CFAP61: variants seen among roughly 807,000 people sequenced by gnomAD.
CFAP61 encodes the protein cilia- and flagella-associated protein 61.
In CFAP61, 107 loss-of-function variants were observed where a neutral mutation model predicts 135.6. The ratio of observed to expected loss-of-function variants is 0.79; its 90% CI spans 0.67 to 0.93. CFAP61 has a LOEUF of 0.93. Among genes scored for constraint, CFAP61 ranks in the 40% least tolerant of loss-of-function variants. The pLI is 0.00. For synonymous variants in CFAP61, 575 were observed against 578.5 expected (o/e 0.99, Z 0.09); for missense variants, 1,507 against 1,556.2 (o/e 0.97, Z 0.53).
intron 8 of CFAP61, among the ~76,000 whole-genome samples, chr20:20,111,268 T>G (rs1170589693): frequency 1.3e-5 from 2 of 152,188 alleles, no homozygotes; most frequent in African/African-American, 2.4e-5. Context: ...AGATTAGGAA[T>G]CTCAAACTGG....
At chr20:20,082,932 G>A (rs2046530952) in intron 6 of CFAP61, among the ~76,000 whole-genome samples, 1 of 152,164 alleles carries the variant, frequency 6.6e-6, no homozygotes, top group African/African-American at 2.4e-5. Flanking sequence ...AAACAGTGTG[G>A]AGATTCCTTA....
chr20:20,356,130 C>G (rs1306193156), intron 26 of CFAP61, among the ~76,000 whole-genome samples: 3 of 96,376 alleles, frequency 3.1e-5, no homozygotes, highest in African/African-American at 7.6e-5. Context: ...GGGAGGTAGT[C>G]ACACTGAGAG....
chr20:20,146,935 A>G (rs1341165356), intron 9 of CFAP61, among the ~76,000 whole-genome samples: 1 of 152,194 alleles, frequency 6.6e-6, no homozygotes, highest in Non-Finnish European at 1.5e-5. Flanking sequence ...AAAGTCCATT[A>G]TATCACTCTT....
At chr20:20,164,320 C>T (rs1179197250) in intron 11 of CFAP61, 92 bp downstream of exon 11, 3 of 1,261,490 alleles carry the variant, frequency 2.4e-6, no homozygotes, top group African/African-American at 1.5e-5. Context: ...CAGTAATTTC[C>T]AAACCTGGCC....
intron 9 of CFAP61, among the ~76,000 whole-genome samples, chr20:20,147,322 A>G (rs950151736): frequency 6.6e-6 from 1 of 152,200 alleles, no homozygotes; most frequent in African/African-American, 2.4e-5. Context: ...GAATCTCCAA[A>G]CTGTTGTCCA....
intron 10 of CFAP61, among the ~76,000 whole-genome samples, chr20:20,163,461 T>C (rs2053565876): frequency 6.6e-6 from 1 of 152,190 alleles, no homozygotes; most frequent in African/African-American, 2.4e-5. Flanking sequence ...CTGGAGTTAT[T>C]ATAATATGTA....
intron 24 of CFAP61, among the ~76,000 whole-genome samples, chr20:20,293,834 C>T (rs2147071469): frequency 1.3e-5 from 2 of 152,284 alleles, no homozygotes; most frequent in Admixed American, 1.3e-4. Flanking sequence ...ACAACAAATT[C>T]TGCCTTGGAT....
intron 13 of CFAP61, chr20:20,171,728 A>C: frequency 3.1e-6 from 2 of 651,646 alleles, no homozygotes. Flanking sequence ...ACATTTTGCT[A>C]ACTGTGTTTC....
chr20:20,192,734 C>T (rs369293350), intron 15 of CFAP61, among the ~76,000 whole-genome samples: 1 of 152,088 alleles, frequency 6.6e-6, no homozygotes, highest in South Asian at 2.1e-4. Flanking sequence ...CAGTTCTAGA[C>T]GTTGATCACT....
chr20:20,118,022 G>A (rs777658049), intron 8 of CFAP61, among the ~76,000 whole-genome samples: 5 of 152,036 alleles, frequency 3.3e-5, no homozygotes, highest in Admixed American at 6.6e-5. Context: ...ATAAGATCAC[G>A]TTGTCTGTGA....
At chr20:20,224,518 A>C (rs2146940679) in intron 17 of CFAP61, among the ~76,000 whole-genome samples, 1 of 152,234 alleles carries the variant, frequency 6.6e-6, no homozygotes, top group Non-Finnish European at 1.5e-5. Flanking sequence ...TTAAAAGGTT[A>C]GCTTATACAC....
chr20:20,067,753 TTATATTATTATA>T (rs1461068138), intron 2 of CFAP61, among the ~76,000 whole-genome samples: 3 of 142,202 alleles, frequency 2.1e-5, no homozygotes, highest in Non-Finnish European at 3.0e-5. Flanking sequence ...TAATATATAT[TTATATTATTATA>T]TATGTATTTA....
Position 20,353,484 on chromosome 20 carries a change from T to A in CFAP61, c.3514-6726T>A, listed in dbSNP as rs531732442. Among the ~76,000 whole-genome samples, 5 of 152,334 alleles carry A rather than the reference T, an allele frequency of 3.3e-5. No homozygotes were observed. In the East Asian group the frequency reaches 9.6e-4, roughly 29 times the overall value. ...TAACTCGGTAAATAATTACCTTACT[T>A]GTTTATGTTAATCTTTCTTAAATGT... On this transcript the variant is annotated intron_variant, in intron 26 of 26. Transcript: ENST00000245957.
intron 26 of CFAP61, among the ~76,000 whole-genome samples, chr20:20,351,087 G>A (rs991835865): frequency 6.6e-6 from 1 of 151,968 alleles, no homozygotes; most frequent in African/African-American, 2.4e-5. Context: ...ATTAAACATA[G>A]GATCAGAATT....
intron 20 of CFAP61, among the ~76,000 whole-genome samples, chr20:20,252,521 A>T (rs1328064113): frequency 6.6e-6 from 1 of 151,928 alleles, no homozygotes; most frequent in East Asian, 2.0e-4. Flanking sequence ...CAAATTTGTA[A>T]ACTTTCTTAA....
chr20:20,200,005 T>G, intron 17 of CFAP61, 103 bp downstream of exon 17: 2 of 1,341,498 alleles, frequency 1.5e-6, no homozygotes, highest in Non-Finnish European at 2.1e-6. Context: ...GCTTCTTAAT[T>G]ACAGGGAACC....
chr20:20,309,943 A>G (rs2056723153), intron 25 of CFAP61, among the ~76,000 whole-genome samples: 1 of 152,234 alleles, frequency 6.6e-6, no homozygotes, highest in Non-Finnish European at 1.5e-5. Context: ...TCAACACACC[A>G]TAATGGGACA....
chr20:20,263,260 C>G (rs1201410464), intron 21 of CFAP61, 130 bp downstream of exon 21: 4 of 614,960 alleles, frequency 6.5e-6, no homozygotes, highest in Non-Finnish European at 7.4e-6. Flanking sequence ...ATCTGTCATG[C>G]TTTGTTTTCC....
chr20:20,195,483 C>A (rs773909487), intron 15 of CFAP61, among the ~76,000 whole-genome samples: 1 of 152,216 alleles, frequency 6.6e-6, no homozygotes, highest in Admixed American at 6.5e-5. Flanking sequence ...TCCCCCCACG[C>A]TCCTGACAGC....
Sources: gnomAD v4.1 joint callset for allele counts (sites outside exome capture counted in the v4.1 genomes callset) on GRCh38, gnomAD v4.1.1 for gene constraint, MANE v1.5 for transcripts, NCBI Gene and HGNC (gene_info 2026-07-23, HGNC 2026-07-21) for gene names.